ATRNL1: variants seen among roughly 807,000 people sequenced by gnomAD.
ATRNL1 encodes the protein attractin-like protein 1.
In ATRNL1, 95 loss-of-function variants were observed where a neutral mutation model predicts 182.7. The observed-to-expected ratio is 0.52, with a 90% CI of 0.44 to 0.62. ATRNL1 has a LOEUF of 0.62. Ranked by LOEUF, ATRNL1 falls within the 20% of genes least tolerant of loss-of-function variation. The pLI is 0.00. For synonymous variants in ATRNL1, 576 were observed against 568.3 expected, an observed-to-expected ratio of 1.01 and a Z score of -0.19; for missense variants, 1,471 against 1,679.5, an observed-to-expected ratio of 0.88 and a Z score of 2.17.
chr10:115,847,939 G>A lies in ATRNL1; in HGVS notation c.3966G>A (p.Val1322=), dbSNP rs1555099327. The A allele has an allele frequency of 4.3e-6, 7 of 1,612,874 alleles. No homozygotes were observed. In the South Asian group the frequency reaches 7.7e-5, roughly 18 times the overall value. Reference sequence around the variant, plus strand: ...GGAACAGAGCTGCTGTTCTGACTGTGTTTCTTTGTCTACCACGAGGATCAT... The same window carrying A: ...GGAACAGAGCTGCTGTTCTGACTGTATTTCTTTGTCTACCACGAGGATCAT... The part of the protein sequence containing the change: ...CAGNRAAVLT[V]FLCLPRGSSG... The change falls in exon 28 of 29, where the codon GTG becomes GTA. Residue 1322 remains valine (V), a synonymous_variant. Transcript: ENST00000355044.
intron 28 of ATRNL1, among the ~76,000 whole-genome samples, chr10:115,883,600 T>A (rs1951877262): frequency 6.6e-6 from 1 of 152,234 alleles, no homozygotes; most frequent in African/African-American, 2.4e-5. Flanking sequence ...CCTGTGTGCA[T>A]AAGGTTGAGC....
chr10:115,676,544 T>G (rs191787085), intron 26 of ATRNL1, among the ~76,000 whole-genome samples: 1 of 148,630 alleles, frequency 6.7e-6, no homozygotes, highest in Non-Finnish European at 1.5e-5. Context: ...TCTCTGTCTA[T>G]GTATGTATAT....
intron 10 of ATRNL1, among the ~76,000 whole-genome samples, chr10:115,262,648 G>T (rs1851439749): frequency 6.6e-6 from 1 of 151,862 alleles, no homozygotes; most frequent in Non-Finnish European, 1.5e-5. Context: ...GCCAGCAAAG[G>T]ATTAGTATCC....
chr10:115,680,770 G>A (rs1555044448), intron 26 of ATRNL1, among the ~76,000 whole-genome samples: 1 of 152,138 alleles, frequency 6.6e-6, no homozygotes, highest in African/African-American at 2.4e-5. Context: ...GAGATGTATT[G>A]AAAGCAATAG....
intron 21 of ATRNL1, among the ~76,000 whole-genome samples, chr10:115,449,384 C>A (rs2134477379): frequency 6.6e-6 from 1 of 152,248 alleles, no homozygotes; most frequent in South Asian, 2.1e-4. Flanking sequence ...TTCTTTCCAC[C>A]TCCCCTTCCC....
chr10:115,923,699 G>A (rs532469896), intron 28 of ATRNL1, among the ~76,000 whole-genome samples: 2 of 152,254 alleles, frequency 1.3e-5, no homozygotes, highest in African/African-American at 4.8e-5. Flanking sequence ...GTTGTAAATA[G>A]TGCCACAATA....
At chr10:115,587,935 A>G (rs138738434) in intron 26 of ATRNL1, among the ~76,000 whole-genome samples, 28 of 152,324 alleles carry the variant, frequency 1.8e-4, no homozygotes, top group African/African-American at 6.7e-4. Context: ...GAGTTTATTA[A>G]TTCAAATTAA....
chr10:115,548,218 A>G (rs989233031), intron 25 of ATRNL1, among the ~76,000 whole-genome samples: 1 of 152,260 alleles, frequency 6.6e-6, no homozygotes, highest in African/African-American at 2.4e-5. Context: ...ACTAAATCCA[A>G]TCATCGATGT....
chr10:115,715,767 T>G (rs1464566107), intron 26 of ATRNL1, among the ~76,000 whole-genome samples: 1 of 152,214 alleles, frequency 6.6e-6, no homozygotes, highest in Admixed American at 6.5e-5. Flanking sequence ...CTCATAGACA[T>G]GCTAAGTAAA....
At position 115,534,753 on chromosome 10, in the gene ATRNL1, C is replaced by CCTTT. The variant is rs1454619068; in HGVS notation, c.3717-14703_3717-14700dup. Among the ~76,000 whole-genome samples the CCTTT allele has an allele frequency of 5.3e-5, 8 of 151,288 alleles. No individual in the cohort carries two copies. The East Asian group carries it at 1.6e-3, about 30-fold the overall frequency. ...TTTGTAGCAGCTGGTACCGGTTGTT[C>CCTTT]CTTTCCATGTTTAGTGCTTCCTTCA... On this transcript the variant is annotated intron_variant, in intron 25 of 28. Coordinates refer to ENST00000355044, the MANE Select transcript of ATRNL1 (RefSeq NM_207303.4).
chr10:115,900,168 T>C (rs1193524902), intron 28 of ATRNL1, among the ~76,000 whole-genome samples: 1 of 152,174 alleles, frequency 6.6e-6, no homozygotes. Context: ...GAGTTTCCAA[T>C]AAATTGTGCT....
intron 26 of ATRNL1, among the ~76,000 whole-genome samples, chr10:115,557,058 AG>A (rs1369361767): frequency 6.6e-6 from 1 of 152,120 alleles, no homozygotes; most frequent in Non-Finnish European, 1.5e-5. Context: ...CTACTCTGAC[AG>A]AGCTGGGAAA....
intron 9 of ATRNL1, among the ~76,000 whole-genome samples, chr10:115,234,406 CCT>C (rs1554900769): frequency 6.6e-6 from 1 of 151,354 alleles, no homozygotes; most frequent in African/African-American, 2.4e-5. Flanking sequence ...TACATGATGC[CCT>C]CTTAAGCATA....
At chr10:115,801,935 T>A (rs184590332) in intron 27 of ATRNL1, among the ~76,000 whole-genome samples, 53 of 151,614 alleles carry the variant, frequency 3.5e-4, no homozygotes, top group African/African-American at 1.3e-3. Flanking sequence ...TGTAGTGTCT[T>A]AACCAATGTT....
In ATRNL1 at chr10:115,426,183, T is replaced by C. The variant is rs1007079589; in HGVS notation, c.3270-67T>C. 3.0e-6 allele frequency: 4 copies of C among 1,323,644 alleles called. No individual in the cohort carries two copies. In the African/African-American group the frequency reaches 4.4e-5, roughly 14 times the overall value. The allele number at this position is 1,323,644 out of a possible 1,614,324, so 82.0% of individuals were successfully genotyped here. On this transcript the variant is annotated intron_variant, in intron 20 of 28. Coordinates refer to ENST00000355044, the MANE Select transcript of ATRNL1 (RefSeq NM_207303.4). ...ATGTAGAATATAAATACTTTTTTGC[T>C]TGAAGAAAAACATGAGGCTTTTGAA...
intron 28 of ATRNL1, among the ~76,000 whole-genome samples, chr10:115,881,209 A>T (rs1337812661): frequency 6.6e-6 from 1 of 152,200 alleles, no homozygotes; most frequent in Non-Finnish European, 1.5e-5. Context: ...CCAGCTATAC[A>T]TGGGAGTACC....
intron 1 of ATRNL1, among the ~76,000 whole-genome samples, chr10:115,103,455 C>T (rs1843866633): frequency 6.6e-6 from 1 of 151,948 alleles, no homozygotes; most frequent in Admixed American, 6.6e-5. Flanking sequence ...TCAGGGAAAT[C>T]TTTCTTTGGT....
intron 26 of ATRNL1, among the ~76,000 whole-genome samples, chr10:115,695,558 A>G (rs1455892615): frequency 3.3e-5 from 5 of 152,148 alleles, no homozygotes; most frequent in Non-Finnish European, 7.4e-5. Flanking sequence ...ATTGTATTCT[A>G]CATTCAGTAT....
intron 26 of ATRNL1, among the ~76,000 whole-genome samples, chr10:115,652,553 A>T (rs531631063): frequency 3.4e-4 from 52 of 152,250 alleles, no homozygotes; most frequent in African/African-American, 1.2e-3. Flanking sequence ...CATATTTACG[A>T]TAACTAGAAG....
Sources: allele counts gnomAD v4.1 joint callset (sites outside exome capture counted in the v4.1 genomes callset), GRCh38; gene constraint gnomAD v4.1.1; transcripts MANE v1.5; gene names NCBI Gene and HGNC (gene_info 2026-07-23, HGNC 2026-07-21).